Variants in ARK2C observed in about 807,000 individuals in gnomAD.
The protein encoded by ARK2C is E3 ubiquitin-protein ligase ARK2C.
At chr18:46,397,720 GGT>G in the ARK2C span, among the ~76,000 whole-genome samples, 9 of 127,416 alleles carry the variant, frequency 7.1e-5, no homozygotes, top group African/African-American at 1.5e-4. Flanking sequence ...GTGTGCATGT[GGT>G]GTGTGTGTGT....
the ARK2C span, among the ~76,000 whole-genome samples, chr18:46,381,824 C>T: frequency 2.3e-5 from 3 of 133,036 alleles, no homozygotes; most frequent in African/African-American, 7.7e-5. Context: ...GAGCGAGACC[C>T]TGTCTCAAAA....
At chr18:46,460,508 T>C in the ARK2C span, 1 of 152,528 alleles carries the variant, frequency 6.6e-6, no homozygotes, top group African/African-American at 2.4e-5. Flanking sequence ...TTTAATTATT[T>C]TTATAGTTGT....
the ARK2C span, among the ~76,000 whole-genome samples, chr18:46,382,494 A>T: frequency 6.6e-6 from 1 of 152,192 alleles, no homozygotes; most frequent in African/African-American, 2.4e-5. Flanking sequence ...AATGTTTTAA[A>T]AATCAATACA....
the ARK2C span, among the ~76,000 whole-genome samples, chr18:46,382,400 T>C: frequency 2.0e-5 from 3 of 152,164 alleles, no homozygotes; most frequent in East Asian, 5.8e-4. Flanking sequence ...TGGGTCTGAG[T>C]CTGCAAACCT....
the ARK2C span, among the ~76,000 whole-genome samples, chr18:46,434,213 G>A: frequency 6.6e-6 from 1 of 152,138 alleles, no homozygotes; most frequent in South Asian, 2.1e-4. Flanking sequence ...TTGGTCTCAG[G>A]ACTCTTTTCC....
chr18:46,455,239 G>A, the ARK2C span, among the ~76,000 whole-genome samples: 1 of 152,194 alleles, frequency 6.6e-6, no homozygotes, highest in Middle Eastern at 3.2e-3. Context: ...GAATAAATGA[G>A]TCAACAGTGG....
chr18:46,381,407 A>G, the ARK2C span, among the ~76,000 whole-genome samples: 1 of 152,186 alleles, frequency 6.6e-6, no homozygotes, highest in Non-Finnish European at 1.5e-5. Flanking sequence ...GTCAGAGCCC[A>G]TGTCTGTCCC....
chr18:46,361,437 T>G, the ARK2C span, among the ~76,000 whole-genome samples: 3 of 152,346 alleles, frequency 2.0e-5, no homozygotes, highest in South Asian at 6.2e-4. Context: ...AATATTTAAC[T>G]GAGTATGGCA....
the ARK2C span, among the ~76,000 whole-genome samples, chr18:46,426,035 G>A: frequency 6.6e-6 from 1 of 152,014 alleles, no homozygotes; most frequent in Non-Finnish European, 1.5e-5. Flanking sequence ...TATTCATTGG[G>A]TTTTATCCCC....
the ARK2C span, among the ~76,000 whole-genome samples, chr18:46,354,558 A>G: frequency 6.6e-6 from 1 of 152,224 alleles, no homozygotes; most frequent in Admixed American, 6.5e-5. Context: ...GCTGGTTAGA[A>G]TATCTCCAGG....
the ARK2C span, among the ~76,000 whole-genome samples, chr18:46,452,190 C>T: frequency 6.6e-6 from 1 of 152,168 alleles, no homozygotes; most frequent in Non-Finnish European, 1.5e-5. Flanking sequence ...TTGATTGTAA[C>T]AAGTGTGCCA....
the ARK2C span, chr18:46,433,595 T>C: frequency 3.4e-6 from 4 of 1,177,696 alleles, no homozygotes; most frequent in African/African-American, 6.2e-5. Context: ...GACGAGGGCG[T>C]GGCCCGGGTG....
chr18:46,420,613 G>C, the ARK2C span, among the ~76,000 whole-genome samples: 1 of 152,142 alleles, frequency 6.6e-6, no homozygotes, highest in African/African-American at 2.4e-5. Flanking sequence ...GGGAGGCTGA[G>C]GAGGGTGGAT....
the ARK2C span, among the ~76,000 whole-genome samples, chr18:46,389,463 G>T: frequency 2.0e-5 from 3 of 152,180 alleles, no homozygotes; most frequent in African/African-American, 7.2e-5. Flanking sequence ...AGGCACGGAA[G>T]TATATGTAGG....
At chr18:46,338,567 G>A in the ARK2C span, among the ~76,000 whole-genome samples, 1 of 152,150 alleles carries the variant, frequency 6.6e-6, no homozygotes, top group Non-Finnish European at 1.5e-5. Context: ...CAGGAGTAAA[G>A]TCAGGACCTA....
the ARK2C span, among the ~76,000 whole-genome samples, chr18:46,392,369 T>C: frequency 1.3e-5 from 2 of 152,262 alleles, no homozygotes; most frequent in Non-Finnish European, 2.9e-5. Context: ...CAGATTGTCC[T>C]GGTGTCCACT....
At chr18:46,408,833 G>T in the ARK2C span, among the ~76,000 whole-genome samples, 1 of 152,210 alleles carries the variant, frequency 6.6e-6, no homozygotes, top group Admixed American at 6.5e-5. Flanking sequence ...TAGATAGTCT[G>T]TGATGAGCCT....
At chr18:46,450,853 GTCTAATTGAC>G in the ARK2C span, 2 of 1,340,764 alleles carry the variant, frequency 1.5e-6, no homozygotes, top group East Asian at 2.3e-5. Flanking sequence ...CAGGGGGGTT[GTCTAATTGAC>G]TCTGGCCTGG....
At chr18:46,401,885 T>A in the ARK2C span, among the ~76,000 whole-genome samples, 1 of 152,216 alleles carries the variant, frequency 6.6e-6, no homozygotes, top group Non-Finnish European at 1.5e-5. Flanking sequence ...GGAGGGACCA[T>A]CAGCTTGCAT....
Sources: gnomAD v4.1 joint callset for allele counts (sites outside exome capture counted in the v4.1 genomes callset) on GRCh38, gnomAD v4.1.1 for gene constraint, MANE v1.5 for transcripts, NCBI Gene and HGNC (gene_info 2026-07-23, HGNC 2026-07-21) for gene names.